Variants in PIK3R3 observed in about 807,000 individuals in gnomAD.
PIK3R3 encodes phosphatidylinositol 3-kinase regulatory subunit gamma.
PIK3R3 carries 64 observed loss-of-function variants against 62.9 expected under a neutral mutation model. The observed-to-expected ratio is 1.02, with a 90% CI of 0.83 to 1.25. PIK3R3 has a LOEUF of 1.25. Among genes scored for constraint, PIK3R3 ranks in the 50% most tolerant of loss-of-function variants. The probability of loss-of-function intolerance (pLI) is 0.00; values close to 1 mark genes in which losing one functional copy is unlikely to be tolerated. For missense variants in PIK3R3, 614 were observed against 561.6 expected (o/e 1.09, Z -0.94); for synonymous variants, 165 against 189.0 (o/e 0.87, Z 1.04).
chr1:46,095,916 T>C (rs1444378490), intron 1 of PIK3R3, among the ~76,000 whole-genome samples: 2 of 152,222 alleles, frequency 1.3e-5, no homozygotes, highest in East Asian at 3.8e-4. Context: ...ATATTAATAA[T>C]AAATTTCCTC....
chr1:46,112,069 C>T lies in PIK3R3; in HGVS notation c.106+19778G>A, dbSNP rs908698357. 8.5e-5 allele frequency among the ~76,000 whole-genome samples: 13 copies of T among 152,080 alleles called. 1 individual carries two copies. Among genetic ancestry groups the T allele is most frequent in the Admixed American group, 7.9e-4 (12 of 15,256 alleles). ...CATGTCCTCCTACGTAAAACAAGGA[C>T]TTTGTTTTGTTCACTGTGATATGCC... is the stretch of plus-strand genomic sequence containing the variant. On this transcript the variant is annotated intron_variant, in intron 1 of 9. Coordinates refer to ENST00000262741, the MANE Select transcript of PIK3R3 (RefSeq NM_003629.4).
chr1:46,104,863 G>A (rs1332769545), intron 1 of PIK3R3: 2 of 452,962 alleles, frequency 4.4e-6, no homozygotes, highest in South Asian at 2.8e-5. Flanking sequence ...GGGATGTGGA[G>A]GTTGCAGTGA....
chr1:46,107,201 T>C (rs1164090880), intron 1 of PIK3R3, among the ~76,000 whole-genome samples: 1 of 151,972 alleles, frequency 6.6e-6, no homozygotes, highest in East Asian at 1.9e-4. Context: ...AATACAAAAA[T>C]TAGCCAGGCA....
At chr1:46,051,908 C>T (rs1380243179) in intron 7 of PIK3R3, among the ~76,000 whole-genome samples, 1 of 152,028 alleles carries the variant, frequency 6.6e-6, no homozygotes, top group Non-Finnish European at 1.5e-5. Flanking sequence ...GAGGCCGAGG[C>T]AGGCGGATCA....
At chr1:46,169,208 T>C in the PIK3R3 span, among the ~76,000 whole-genome samples, 2 of 152,162 alleles carry the variant, frequency 1.3e-5, no homozygotes, top group African/African-American at 4.8e-5. Flanking sequence ...ACAGACTTAG[T>C]TGAGATTCCA....
chr1:46,074,310 A>C (rs1300233278), intron 3 of PIK3R3, among the ~76,000 whole-genome samples: 5 of 146,364 alleles, frequency 3.4e-5, no homozygotes, highest in African/African-American at 7.6e-5. Flanking sequence ...AAAAAAAAAA[A>C]AAAAAAACCA....
At chr1:46,119,293 C>CA (rs1180789219) in intron 1 of PIK3R3, among the ~76,000 whole-genome samples, 3 of 151,928 alleles carry the variant, frequency 2.0e-5, no homozygotes, top group African/African-American at 4.8e-5. Flanking sequence ...AACACACAAA[C>CA]AAAAAAAATT....
At chr1:46,099,481 C>T (rs1023873673) in intron 1 of PIK3R3, among the ~76,000 whole-genome samples, 3 of 152,190 alleles carry the variant, frequency 2.0e-5, no homozygotes, top group Admixed American at 1.3e-4. Context: ...GTTCCATCTC[C>T]TAACATATTT....
chr1:46,169,018 G>A, the PIK3R3 span, among the ~76,000 whole-genome samples: 2 of 152,152 alleles, frequency 1.3e-5, no homozygotes, highest in Admixed American at 1.3e-4. Flanking sequence ...AGGAACCTTG[G>A]TTCAGCTTTT....
intron 1 of PIK3R3, among the ~76,000 whole-genome samples, chr1:46,125,434 G>C (rs1557636063): frequency 1.3e-5 from 2 of 152,026 alleles, no homozygotes; most frequent in African/African-American, 4.8e-5. Flanking sequence ...AATGTGCAGG[G>C]TTAAAAATAA....
At position 46,050,076 on chromosome 1, in the gene PIK3R3, G is replaced by A. The variant is rs1178801699; in HGVS notation, c.942-3451C>T. ...GCAGAGGTTGCAGTGAGCCGAGATC[G>A]TGCCATTGCACTCCAGCTTGGGCAA... is the stretch of plus-strand genomic sequence containing the variant. On this transcript the variant is annotated intron_variant, in intron 7 of 9. Coordinates refer to ENST00000262741, the MANE Select transcript of PIK3R3 (RefSeq NM_003629.4). Among the ~76,000 whole-genome samples, 11 of 148,222 alleles carry A rather than the reference G, an allele frequency of 7.4e-5. No individual in the cohort carries two copies. The South Asian group carries it at 1.9e-3, about 26-fold the overall frequency.
the PIK3R3 span, among the ~76,000 whole-genome samples, chr1:46,171,198 A>G: frequency 6.6e-6 from 1 of 152,082 alleles, no homozygotes; most frequent in Non-Finnish European, 1.5e-5. Context: ...TTGGGATAGT[A>G]CCCAGGGAAG....
intron 5 of PIK3R3, among the ~76,000 whole-genome samples, chr1:46,064,246 T>A (rs1347825705): frequency 6.9e-6 from 1 of 144,642 alleles, no homozygotes; most frequent in African/African-American, 2.6e-5. Context: ...AAAATAAAAA[T>A]AAAAAAAGAG....
At chr1:46,059,001 G>A (rs1648213445) in intron 6 of PIK3R3, among the ~76,000 whole-genome samples, 1 of 152,226 alleles carries the variant, frequency 6.6e-6, no homozygotes, top group African/African-American at 2.4e-5. Flanking sequence ...CATGCTGTGG[G>A]AGGGACCAAG....
At chr1:46,046,679 A>G in intron 7 of PIK3R3, 54 bp from the exon 8 acceptor site, 1 of 1,246,376 alleles carries the variant, frequency 8.0e-7, no homozygotes, top group Non-Finnish European at 1.2e-6. Context: ...GACTGGACAA[A>G]GTAGGTATGT....
chr1:46,138,091 A>T, the PIK3R3 span, among the ~76,000 whole-genome samples: 2 of 152,180 alleles, frequency 1.3e-5, no homozygotes, highest in African/African-American at 4.8e-5. Flanking sequence ...GTTTGTAGGA[A>T]ATTCAGGAAA....
At chr1:46,067,365 C>CA (rs1173432070) in intron 3 of PIK3R3, among the ~76,000 whole-genome samples, 12 of 148,614 alleles carry the variant, frequency 8.1e-5, no homozygotes, top group East Asian at 2.0e-4. Flanking sequence ...ACAAATGTAG[C>CA]AAAAAAAATC....
At chr1:46,079,271 C>A (rs1330224667) in intron 2 of PIK3R3, among the ~76,000 whole-genome samples, 2 of 151,868 alleles carry the variant, frequency 1.3e-5, no homozygotes, top group Non-Finnish European at 2.9e-5. Context: ...GCAAGTTTAA[C>A]AAGAAAAAAA....
the PIK3R3 span, among the ~76,000 whole-genome samples, chr1:46,147,075 C>G: frequency 6.6e-6 from 1 of 152,138 alleles, no homozygotes; most frequent in Non-Finnish European, 1.5e-5. Flanking sequence ...CTGTGATTTC[C>G]TACTTTTGCA....
Sources: allele counts gnomAD v4.1 joint callset (sites outside exome capture counted in the v4.1 genomes callset), GRCh38; gene constraint gnomAD v4.1.1; transcripts MANE v1.5; gene names NCBI Gene and HGNC (gene_info 2026-07-23, HGNC 2026-07-21).